PKHD1L1: variants seen among roughly 807,000 people sequenced by gnomAD.
The protein encoded by PKHD1L1 is PKHD1 like 1.
In PKHD1L1, 434 loss-of-function variants were observed where a neutral mutation model predicts 462.9. The ratio of observed to expected loss-of-function variants is 0.94; its 90% confidence interval spans 0.87 to 1.02. The LOEUF is 1.02. PKHD1L1 is among the 50% of genes least tolerant of loss of function. The pLI, the probability that PKHD1L1 is intolerant of heterozygous loss-of-function variation, is 0.00. For missense variants in PKHD1L1, 5,202 were observed against 5,096.1 expected, an observed-to-expected ratio of 1.02 and a Z score of -0.63; for synonymous variants, 1,781 against 1,750.0, an observed-to-expected ratio of 1.02 and a Z score of -0.44.
At chr8:109,364,727 C>A in intron 2 of PKHD1L1, 91 bp downstream of exon 2, 1 of 763,062 alleles carries the variant, frequency 1.3e-6, no homozygotes. Flanking sequence ...AACAAACAAA[C>A]AAGCACCACT....
At chr8:109,529,275 T>C (rs1427767104) in intron 77 of PKHD1L1, among the ~76,000 whole-genome samples, 6 of 152,260 alleles carry the variant, frequency 3.9e-5, no homozygotes, top group South Asian at 2.1e-4. Flanking sequence ...GGGAGAAGCA[T>C]AGTTTGCAGA....
chr8:109,381,326 G>A, intron 2 of PKHD1L1, 44 bp from the exon 3 acceptor site: 1 of 1,486,712 alleles, frequency 6.7e-7, no homozygotes, highest in South Asian at 1.2e-5. Context: ...GGTCTCTGAA[G>A]ATAGAATACC....
chr8:109,476,649 A>G lies in PKHD1L1; in HGVS notation c.8899A>G (p.Ser2967Gly), dbSNP rs1160779258. 6.3e-7 allele frequency: 1 copy of G among 1,598,932 alleles called. No homozygotes were observed. The highest frequency in any genetic ancestry group is 8.5e-7 in the Non-Finnish European group (1 of 1,172,082). The change falls in exon 52 of 78, where the codon AGT becomes GGT. Residue 2967 changes from serine to glycine, a missense_variant. Ser to Gly is a moderately conservative substitution (Grantham distance 56, BLOSUM62 0). Transcript: ENST00000378402. Reference sequence around the variant, plus strand: ...GGACTGGCACCTTGAAGCAAACACTAGTACTCTATATTACTTGGGTATGTG... The same window carrying G: ...GGACTGGCACCTTGAAGCAAACACTGGTACTCTATATTACTTGGGTATGTG... ...NGDWHLEANT[S>G]TLYYLVSGRN...
chr8:109,464,029 T>A (rs906527499), intron 48 of PKHD1L1, among the ~76,000 whole-genome samples, 187 bp from the exon 49 acceptor site: 6 of 152,152 alleles, frequency 3.9e-5, no homozygotes, highest in Admixed American at 6.5e-5. Flanking sequence ...ATAAGTGTGG[T>A]CTGCTATACA....
At position 109,530,092 on chromosome 8, in the gene PKHD1L1, G is replaced by T. The variant is rs1488789888; in HGVS notation, c.*2G>T. On this transcript the variant is annotated 3_prime_UTR_variant, in exon 78 of 78. Transcript: ENST00000378402. ...TTCCATTTTTCAGGAAGCTACTAAA[G>T]TGCTGTTCCGAAGAATAGGCTGAAA... 7.3e-7 allele frequency: 1 copy of T among 1,363,402 alleles called. No individual in the cohort carries two copies. Among genetic ancestry groups the T allele is most frequent in the East Asian group, 2.9e-5 (1 of 34,042 alleles). The allele number at this position is 1,363,402 out of a possible 1,614,324, so 84.5% of individuals were successfully genotyped here. A position where few individuals can be genotyped will look rare whatever the true frequency, so the allele number is the denominator to read the frequency against.
At chr8:109,491,213 A>G (rs1818808432) in intron 61 of PKHD1L1, 112 bp downstream of exon 61, 1 of 1,141,590 alleles carries the variant, frequency 8.8e-7, no homozygotes. Flanking sequence ...GAAATGGTCT[A>G]TATTTCTGCT....
In PKHD1L1 at chr8:109,461,942, G is replaced by T. The variant is rs770728068; in HGVS notation, c.7383+34G>T. On this transcript the variant is annotated intron_variant, in intron 48 of 77. Coordinates refer to ENST00000378402, the MANE Select transcript of PKHD1L1 (RefSeq NM_177531.6). ...CATTATTACTAAATCACAGTGGTTT[G>T]CTCAAGGTTATCCATACAAGAAATG... is the stretch of plus-strand genomic sequence containing the variant. The T allele has an allele frequency of 2.0e-5, 32 of 1,569,470 alleles. No individual in the cohort carries two copies. In the South Asian group the frequency reaches 2.9e-4, roughly 14 times the overall value.
At chr8:109,448,494 C>T in intron 39 of PKHD1L1, 103 bp downstream of exon 39, 57 of 1,174,716 alleles carry the variant, frequency 4.9e-5, no homozygotes, top group South Asian at 2.2e-4. Context: ...CATAAAATTT[C>T]TAGTGTTTTT....
At chr8:109,449,127 A>G (rs1025961907) in intron 39 of PKHD1L1, among the ~76,000 whole-genome samples, 1 of 152,186 alleles carries the variant, frequency 6.6e-6, no homozygotes, top group African/African-American at 2.4e-5. Flanking sequence ...AAATTACCAG[A>G]TATGACATTT....
intron 65 of PKHD1L1, among the ~76,000 whole-genome samples, chr8:109,497,502 G>A (rs763381400): frequency 3.1e-4 from 45 of 146,232 alleles, no homozygotes; most frequent in Non-Finnish European, 4.9e-4. Context: ...GCACAATTTC[G>A]GCTCACTGCA....
At chr8:109,388,838 T>C (rs1216511805) in intron 7 of PKHD1L1, among the ~76,000 whole-genome samples, 2 of 152,166 alleles carry the variant, frequency 1.3e-5, no homozygotes, top group Non-Finnish European at 2.9e-5. Flanking sequence ...CAAAGTCTTT[T>C]AAAGGAATAT....
At chr8:109,458,465 A>C (rs1816938408) in intron 46 of PKHD1L1, among the ~76,000 whole-genome samples, 1 of 152,156 alleles carries the variant, frequency 6.6e-6, no homozygotes, top group African/African-American at 2.4e-5. Context: ...TCAGCATATA[A>C]AATGATTTCA....
intron 67 of PKHD1L1, among the ~76,000 whole-genome samples, chr8:109,500,599 G>C (rs948832110): frequency 1.4e-5 from 2 of 141,996 alleles, no homozygotes; most frequent in African/African-American, 5.3e-5. Context: ...GCTTGAAACT[G>C]GGAGGCGGAG....
In PKHD1L1 at chr8:109,533,659, T is replaced by C. The variant is rs1366725136; in HGVS notation, c.*3569T>C. ...ATCCCTTTGCCTTTTCTTCATCCCT[T>C]TCTGTTTTTCCAGCTACATGGAGCA... is the stretch of plus-strand genomic sequence containing the variant. On this transcript the variant is annotated 3_prime_UTR_variant, in exon 78 of 78. Coordinates refer to ENST00000378402, the MANE Select transcript of PKHD1L1 (RefSeq NM_177531.6). Among the ~76,000 whole-genome samples, 2 of 152,176 alleles carry C rather than the reference T, an allele frequency of 1.3e-5. No individual in the cohort carries two copies. The highest frequency in any genetic ancestry group is 2.4e-5 in the African/African-American group (1 of 41,432).
At chr8:109,507,935 C>T in intron 69 of PKHD1L1, 40 bp downstream of exon 69, 5 of 1,588,384 alleles carry the variant, frequency 3.1e-6, no homozygotes, top group Non-Finnish European at 4.3e-6. Context: ...AGGCCTTAAA[C>T]TCATGAAACA....
Position 109,450,975 on chromosome 8 carries a change from G to T in PKHD1L1, c.6176G>T (p.Gly2059Val). ...TLLCEIPSNNGTGAEQACEVS... is the reference protein window; with the variant it reads ...TLLCEIPSNNVTGAEQACEVS... ...ATTCAGTCTGATCTTCCTTTCATAG[G>T]CACGGGAGCTGAGCAAGCCTGTGAA... Residue 2059 changes from glycine (G) to valine (V), a missense_variant and splice_region_variant, in exon 41 of 78, where the codon GGC becomes GTC. Gly to Val is a moderately radical substitution (Grantham distance 109, BLOSUM62 -3). This residue lies in a region of PKHD1L1 where 4,497 missense variants were observed against 4,336.8 expected (regional missense o/e 1.04). Transcript: ENST00000378402. 1 of 1,593,862 alleles carries T rather than the reference G, an allele frequency of 6.3e-7. No individual in the cohort carries two copies. Among genetic ancestry groups the T allele is most frequent in the Non-Finnish European group, 8.6e-7 (1 of 1,165,066 alleles).
intron 23 of PKHD1L1, 88 bp from the exon 24 acceptor site, chr8:109,424,997 T>C: frequency 1.8e-6 from 2 of 1,116,624 alleles, no homozygotes; most frequent in East Asian, 5.6e-5. Flanking sequence ...ATTTATGTCA[T>C]GTCACAGGAT....
chr8:109,433,080 T>A, intron 27 of PKHD1L1, 26 bp from the exon 28 acceptor site: 1 of 1,465,286 alleles, frequency 6.8e-7, no homozygotes, highest in Admixed American at 1.9e-5. Context: ...AACTTTAATA[T>A]TGTTATTTAA....
rs772823868 is a variant in PKHD1L1, at chr8:109,420,684, T to C, written c.2691T>C (p.Phe897=). The change falls in exon 23 of 78, where the codon TTT becomes TTC. Residue 897 remains phenylalanine (F), a synonymous_variant. Transcript: ENST00000378402. ...SYNIPMMAVS[F]GQIITHETEN... is the part of the protein sequence containing the mutation. ...ATATACCCATGATGGCTGTGAGCTT[T>C]GGGCAGGTAAGCCTAGAATTTTGCA... The C allele has an allele frequency of 2.6e-6, 4 of 1,557,016 alleles. No individual in the cohort carries two copies. In the East Asian group the frequency reaches 7.1e-5, roughly 27 times the overall value.
Sources: allele counts gnomAD v4.1 joint callset (sites outside exome capture counted in the v4.1 genomes callset), GRCh38; gene constraint gnomAD v4.1.1; regional missense constraint gnomAD v4.1.1; transcripts MANE v1.5; gene names NCBI Gene and HGNC (gene_info 2026-07-23, HGNC 2026-07-21).